The following CTBP2 variants were observed in gnomAD, a reference collection of about 807,000 sequenced individuals.
CTBP2 encodes C-terminal-binding protein 2.
A neutral mutation model predicts 80.3 loss-of-function variants in CTBP2; 30 were observed. That is an observed-to-expected ratio of 0.37 (90% CI 0.28 to 0.51). The LOEUF is 0.51. Ranked by LOEUF, CTBP2 falls within the 20% of genes least tolerant of loss-of-function variation. The pLI is 0.93. For missense variants in CTBP2, 1,212 were observed against 1,375.3 expected, an observed-to-expected ratio of 0.88 and a Z score of 1.88; for synonymous variants, 594 against 587.4, an observed-to-expected ratio of 1.01 and a Z score of -0.16.
At chr10:125,086,905 G>A (rs1036605178) in intron 2 of CTBP2, among the ~76,000 whole-genome samples, 1 of 152,094 alleles carries the variant, frequency 6.6e-6, no homozygotes, top group Non-Finnish European at 1.5e-5. Context: ...AGTTCAGTGG[G>A]AGCGCGGCCA....
intron 1 of CTBP2, among the ~76,000 whole-genome samples, chr10:125,023,199 C>A (rs1391859968): frequency 6.6e-6 from 1 of 152,190 alleles, no homozygotes; most frequent in Non-Finnish European, 1.5e-5. Flanking sequence ...CCCCATTAAT[C>A]CAGTTGCATC....
At chr10:125,136,180 C>A (rs1329373684) in intron 1 of CTBP2, among the ~76,000 whole-genome samples, 1 of 152,212 alleles carries the variant, frequency 6.6e-6, no homozygotes, top group African/African-American at 2.4e-5. Flanking sequence ...AACGAAGGGG[C>A]TGGAGGGACC....
chr10:125,072,259 A>G (rs1845597400), intron 2 of CTBP2, among the ~76,000 whole-genome samples: 4 of 152,136 alleles, frequency 2.6e-5, no homozygotes, highest in Admixed American at 2.6e-4. Flanking sequence ...CAGCCTGGAG[A>G]GACTCCGTCT....
rs151204827 is a variant in CTBP2, at chr10:125,027,355, C to A, written c.405G>T (p.Pro135=). The stretch of plus-strand genomic sequence containing the variant: ...TGCCAAGCACTCCGTAGCTGGGGAC[C>A]GGCCGGCTGACTCCTGGGTCCCGAT... Residue 135 remains proline (P), a synonymous_variant, in exon 1 of 9, where the codon CCG becomes CCT. Coordinates refer to ENST00000309035, the MANE Select transcript of CTBP2 (RefSeq NM_022802.3). 3 of 1,613,506 alleles carry A rather than the reference C, an allele frequency of 1.9e-6. No homozygotes were observed. In the Admixed American group the frequency reaches 5.0e-5, roughly 27 times the overall value.
At chr10:125,038,669 AG>A (rs1451558291) in intron 3 of CTBP2, among the ~76,000 whole-genome samples, 2 of 152,214 alleles carry the variant, frequency 1.3e-5, no homozygotes, top group African/African-American at 4.8e-5. Context: ...CTGAGATTTC[AG>A]GAAGTGAAAA....
At chr10:125,038,214 C>T (rs1224981118) in intron 3 of CTBP2, among the ~76,000 whole-genome samples, 2 of 152,158 alleles carry the variant, frequency 1.3e-5, no homozygotes, top group Non-Finnish European at 2.9e-5. Context: ...GTTGCATATT[C>T]CTGTCCACAA....
At chr10:125,102,076 G>A (rs374138746) in intron 2 of CTBP2, among the ~76,000 whole-genome samples, 8 of 152,098 alleles carry the variant, frequency 5.3e-5, no homozygotes, top group East Asian at 1.9e-4. Flanking sequence ...GTTAAGCCCC[G>A]TTCAGTACTG....
At chr10:124,998,431 T>G in intron 3 of CTBP2, 1 of 506,778 alleles carries the variant, frequency 2.0e-6, no homozygotes, top group Non-Finnish European at 3.6e-6. Flanking sequence ...ACCCAACTCC[T>G]ATGGCTGATT....
intron 2 of CTBP2, among the ~76,000 whole-genome samples, chr10:125,101,761 C>A (rs1032027202): frequency 2.0e-5 from 3 of 152,222 alleles, no homozygotes; most frequent in African/African-American, 7.2e-5. Context: ...ACTACCTTCC[C>A]CTCCAGCCCA....
intron 1 of CTBP2, among the ~76,000 whole-genome samples, chr10:125,018,142 A>C (rs1230077572): frequency 6.6e-6 from 1 of 152,162 alleles, no homozygotes; most frequent in African/African-American, 2.4e-5. Flanking sequence ...TGTGGGACTC[A>C]GGGTAGGGGG....
intron 1 of CTBP2, among the ~76,000 whole-genome samples, chr10:125,147,930 G>C (rs1010104605): frequency 6.6e-6 from 1 of 152,088 alleles, no homozygotes; most frequent in South Asian, 2.1e-4. Flanking sequence ...AAACACATAC[G>C]GTACGTCAGG....
At chr10:125,063,086 A>G (rs1361306795) in intron 2 of CTBP2, among the ~76,000 whole-genome samples, 1 of 152,218 alleles carries the variant, frequency 6.6e-6, no homozygotes, top group African/African-American at 2.4e-5. Flanking sequence ...GCAGCTGTGC[A>G]CAGCCTCGGC....
upstream of CTBP2, among the ~76,000 whole-genome samples, chr10:125,028,473 T>C (rs955000468): frequency 2.0e-5 from 3 of 152,226 alleles, no homozygotes; most frequent in African/African-American, 7.2e-5. Flanking sequence ...CATGGATGCC[T>C]AGCCCAAAAA....
chr10:125,007,128 G>A (rs1332133631), intron 1 of CTBP2, among the ~76,000 whole-genome samples: 2 of 152,240 alleles, frequency 1.3e-5, no homozygotes, highest in African/African-American at 4.8e-5. Flanking sequence ...AACCTGCCTT[G>A]TCCATTTCAG....
At position 125,026,700 on chromosome 10, in the gene CTBP2, G is replaced by C; in HGVS notation, c.1060C>G (p.Gln354Glu). ...CCCCCCCGGTCCTGCCTCCGCAGCT[G>C]CATTTCGGTCCTGCAGCTATTGGCC... is the stretch of plus-strand genomic sequence containing the variant. The change falls in exon 1 of 9, where the codon CAG (glutamine) becomes GAG (glutamate). Residue 354 changes from glutamine (Q) to glutamate (E), a missense_variant. Physicochemically the swap from Gln to Glu is conservative, Grantham distance 29. Transcript: ENST00000309035. 1 of 1,612,216 alleles carries C rather than the reference G, an allele frequency of 6.2e-7. No individual in the cohort carries two copies. The highest frequency in any genetic ancestry group is 8.5e-7 in the Non-Finnish European group (1 of 1,179,650).
chr10:125,145,377 T>C (rs1858570971), intron 1 of CTBP2, among the ~76,000 whole-genome samples: 1 of 152,122 alleles, frequency 6.6e-6, no homozygotes, highest in South Asian at 2.1e-4. Flanking sequence ...AGCCAACCTT[T>C]TGAGCACCCC....
rs142637977 is a variant in CTBP2 at position 125,003,504 on chromosome 10, GA to G, written c.1679-13del. ...CTGGGGGCGGATACCTGCCAGGAGG[GA>G]AGGGGTGAGCACAGTGGGTGGGTGG... On this transcript the variant is annotated splice_polypyrimidine_tract_variant and intron_variant, in intron 1 of 8. Coordinates refer to ENST00000309035, the MANE Select transcript of CTBP2 (RefSeq NM_022802.3). The G allele has an allele frequency of 3.3e-3, 5,174 of 1,547,562 alleles. 155 individuals carry two copies. The African/African-American group carries it at 0.063, about 19-fold the overall frequency.
intron 2 of CTBP2, among the ~76,000 whole-genome samples, chr10:125,110,685 T>G (rs978044757): frequency 1.3e-5 from 2 of 152,232 alleles, no homozygotes; most frequent in African/African-American, 4.8e-5. Flanking sequence ...ACTATTTCCA[T>G]TCTGACTTGA....
chr10:124,986,243 T>C lies in CTBP2; in HGVS notation c.*3275A>G, dbSNP rs545149601. 2.0e-5 allele frequency: 3 copies of C among 151,890 alleles called. No homozygotes were observed. The highest frequency in any genetic ancestry group is 2.1e-4 in the South Asian group (1 of 4,836). The allele number at this position is 151,890 out of a possible 1,614,324, so 9.4% of individuals were successfully genotyped here. A position where few individuals can be genotyped will look rare whatever the true frequency, so the allele number is the denominator to read the frequency against. ...GTCCTGATAAGCACTTTCTAGACTA[T>C]TGATGTGGCCAGGAATTTGGAAAGA... On this transcript the variant is annotated 3_prime_UTR_variant, in exon 9 of 9. Coordinates refer to ENST00000309035, the MANE Select transcript of CTBP2 (RefSeq NM_022802.3).
Sources: allele counts gnomAD v4.1 joint callset (sites outside exome capture counted in the v4.1 genomes callset), GRCh38; gene constraint gnomAD v4.1.1; transcripts MANE v1.5; gene names NCBI Gene and HGNC (gene_info 2026-07-23, HGNC 2026-07-21).